RAB11FIP4: variants seen among roughly 807,000 people sequenced by gnomAD.
RAB11FIP4 encodes the protein rab11 family-interacting protein 4.
In RAB11FIP4, 23 loss-of-function variants were observed where a neutral mutation model predicts 74.3. The observed-to-expected ratio is 0.31, with a 90% CI of 0.22 to 0.44. The LOEUF is 0.44. Ranked by LOEUF, RAB11FIP4 falls within the 20% of genes least tolerant of loss-of-function variation. RAB11FIP4 has a pLI of 1.00. For missense variants in RAB11FIP4, 630 were observed against 863.9 expected (o/e 0.73, Z 3.39); for synonymous variants, 360 against 359.9 (o/e 1.00, Z 0.00).
intron 1 of RAB11FIP4, among the ~76,000 whole-genome samples, chr17:31,406,081 T>G (rs1291231676): frequency 6.6e-6 from 1 of 152,226 alleles, no homozygotes; most frequent in East Asian, 1.9e-4. Flanking sequence ...ACCCCTGGGC[T>G]CAGCTCCTGC....
chr17:31,402,320 A>G (rs1338772255), intron 1 of RAB11FIP4, among the ~76,000 whole-genome samples: 1 of 152,084 alleles, frequency 6.6e-6, no homozygotes, highest in Admixed American at 6.6e-5. Context: ...AGGGAGTGAC[A>G]AGTGTCTCCA....
chr17:31,528,268 C>T, intron 11 of RAB11FIP4, 138 bp from the exon 12 acceptor site: 1 of 994,930 alleles, frequency 1.0e-6, no homozygotes, highest in Non-Finnish European at 1.4e-6. Flanking sequence ...AGCCAAGACT[C>T]AGGGCTCCGT....
At chr17:31,506,677 G>A (rs974670031) in intron 3 of RAB11FIP4, among the ~76,000 whole-genome samples, 2 of 152,072 alleles carry the variant, frequency 1.3e-5, no homozygotes, top group African/African-American at 4.8e-5. Context: ...TTAACACAAT[G>A]TTCTGTAGGT....
chr17:31,515,814 T>A (rs772672387), intron 3 of RAB11FIP4, among the ~76,000 whole-genome samples: 2 of 152,114 alleles, frequency 1.3e-5, no homozygotes, highest in Non-Finnish European at 2.9e-5. Flanking sequence ...AGTAAGTGAT[T>A]TACAGAGAGC....
chr17:31,505,555 AATAAT>A (rs2072317015), intron 3 of RAB11FIP4, among the ~76,000 whole-genome samples: 3 of 87,896 alleles, frequency 3.4e-5, no homozygotes, highest in African/African-American at 1.4e-4. Flanking sequence ...TATATATAAT[AATAAT>A]TATAATATAT....
At chr17:31,505,796 C>T (rs1379532409) in intron 3 of RAB11FIP4, among the ~76,000 whole-genome samples, 29 of 144,396 alleles carry the variant, frequency 2.0e-4, no homozygotes, top group Non-Finnish European at 3.4e-4. Context: ...TCCTCGAACT[C>T]GTGGCCTCAA....
chr17:31,431,960 T>C, intron 2 of RAB11FIP4, 60 bp downstream of exon 2: 3 of 1,288,114 alleles, frequency 2.3e-6, no homozygotes, highest in Non-Finnish European at 3.4e-6. Context: ...CTGGGGAAGC[T>C]GGTGTGACTG....
At chr17:31,478,332 C>G (rs530382049) in intron 3 of RAB11FIP4, among the ~76,000 whole-genome samples, 1 of 152,226 alleles carries the variant, frequency 6.6e-6, no homozygotes, top group Non-Finnish European at 1.5e-5. Flanking sequence ...CGTCTGCCTT[C>G]CGCGCGTGTT....
chr17:31,525,256 C>T (rs1408163180), intron 10 of RAB11FIP4, 26 bp downstream of exon 10: 2 of 1,530,562 alleles, frequency 1.3e-6, no homozygotes, highest in South Asian at 1.2e-5. Context: ...GAGCCCCCTC[C>T]CTCAGAGGGA....
In RAB11FIP4 at chr17:31,436,781, G is replaced by GT. The variant is rs1310980251; in HGVS notation, c.336+2667dup. Among the ~76,000 whole-genome samples the GT allele has an allele frequency of 4.7e-3, 144 of 30,362 alleles. 1 individual carries two copies. Among genetic ancestry groups the GT allele is most frequent in the South Asian group, 0.024 (19 of 798 alleles). The allele number at this position is 30,362 out of a possible 152,430, so 19.9% of individuals were successfully genotyped here. A position where few individuals can be genotyped will look rare whatever the true frequency, so the allele number is the denominator to read the frequency against. On this transcript the variant is annotated intron_variant, in intron 3 of 14. Transcript: ENST00000621161. ...TTTTTTTTGTTTTTTTTTGTTTTTT[G>GT]TTTTTTTTGTTTTTTTTGTTTTTTG...
chr17:31,418,797 A>T (rs1237244791), intron 1 of RAB11FIP4, among the ~76,000 whole-genome samples: 1 of 152,150 alleles, frequency 6.6e-6, no homozygotes, highest in Non-Finnish European at 1.5e-5. Context: ...GAAAAATTTT[A>T]AAAAATTGTT....
At chr17:31,442,853 G>A (rs1490479979) in intron 3 of RAB11FIP4, among the ~76,000 whole-genome samples, 4 of 152,026 alleles carry the variant, frequency 2.6e-5, no homozygotes, top group South Asian at 2.1e-4. Context: ...CCAGCCTCTC[G>A]GGAGGCTGAG....
chr17:31,427,434 A>G (rs2071264107), intron 1 of RAB11FIP4, among the ~76,000 whole-genome samples: 1 of 152,176 alleles, frequency 6.6e-6, no homozygotes, highest in Admixed American at 6.5e-5. Flanking sequence ...TCTGCCTGTC[A>G]TCAAACAACC....
chr17:31,500,181 T>C (rs1271620115), intron 3 of RAB11FIP4, among the ~76,000 whole-genome samples: 1 of 152,154 alleles, frequency 6.6e-6, no homozygotes, highest in Non-Finnish European at 1.5e-5. Flanking sequence ...GTGAGTTCAC[T>C]TTCTCTGTGG....
intron 1 of RAB11FIP4, among the ~76,000 whole-genome samples, chr17:31,423,615 C>A (rs1354727686): frequency 6.6e-6 from 1 of 152,158 alleles, no homozygotes; most frequent in Non-Finnish European, 1.5e-5. Flanking sequence ...AATGTCAGTT[C>A]AGTTTTCAAA....
intron 1 of RAB11FIP4, among the ~76,000 whole-genome samples, chr17:31,430,084 G>A (rs1413758002): frequency 1.3e-5 from 2 of 152,188 alleles, no homozygotes; most frequent in Non-Finnish European, 2.9e-5. Context: ...GGTCAGGACA[G>A]ACCTGTCTCA....
chr17:31,399,674 C>T (rs2070965837), intron 1 of RAB11FIP4, among the ~76,000 whole-genome samples: 1 of 152,066 alleles, frequency 6.6e-6, no homozygotes, highest in Non-Finnish European at 1.5e-5. Flanking sequence ...GATTGCACCA[C>T]TGCACTCCAG....
intron 1 of RAB11FIP4, among the ~76,000 whole-genome samples, chr17:31,398,406 CAA>C (rs1567642126): frequency 6.6e-6 from 1 of 151,982 alleles, no homozygotes; most frequent in African/African-American, 2.4e-5. Context: ...GCGTCATTCC[CAA>C]GACACTGGAG....
At chr17:31,529,364 G>A (rs1597987933) in intron 13 of RAB11FIP4, among the ~76,000 whole-genome samples, 1 of 152,152 alleles carries the variant, frequency 6.6e-6, no homozygotes, top group East Asian at 1.9e-4. Flanking sequence ...CTGGGCTCAA[G>A]CAATTCTCCT....
Sources: gnomAD v4.1 joint callset for allele counts (sites outside exome capture counted in the v4.1 genomes callset) on GRCh38, gnomAD v4.1.1 for gene constraint, MANE v1.5 for transcripts, NCBI Gene and HGNC (gene_info 2026-07-23, HGNC 2026-07-21) for gene names.